DOCK1: variants seen among roughly 807,000 people sequenced by gnomAD.
DOCK1 encodes dedicator of cytokinesis 1.
In DOCK1, 138 loss-of-function variants were observed where a neutral mutation model predicts 262.7. The ratio of observed to expected loss-of-function variants is 0.53; its 90% CI spans 0.46 to 0.61. The LOEUF is 0.61. Ranked by LOEUF, DOCK1 falls within the 20% of genes least tolerant of loss-of-function variation. The pLI, the probability that DOCK1 is intolerant of heterozygous loss-of-function variation, is 0.00. For synonymous variants in DOCK1, 866 were observed against 867.4 expected (o/e 1.00, Z 0.03); for missense variants, 1,908 against 2,370.7 (o/e 0.80, Z 4.05).
intron 28 of DOCK1, among the ~76,000 whole-genome samples, chr10:127,253,024 G>A (rs947963509): frequency 1.3e-5 from 2 of 152,044 alleles, no homozygotes; most frequent in African/African-American, 2.4e-5. Flanking sequence ...GAGCACAAGC[G>A]GAATGACTGA....
intron 25 of DOCK1, among the ~76,000 whole-genome samples, chr10:127,117,636 A>G (rs1384319364): frequency 6.6e-6 from 1 of 151,058 alleles, no homozygotes; most frequent in Non-Finnish European, 1.5e-5. Flanking sequence ...GTTGGTGTAA[A>G]CTTTATCATC....
chr10:127,431,567 A>G (rs2069290579), intron 47 of DOCK1, among the ~76,000 whole-genome samples: 1 of 152,222 alleles, frequency 6.6e-6, no homozygotes, highest in African/African-American at 2.4e-5. Flanking sequence ...GAACATCTCC[A>G]TGAAGCTATC....
At chr10:127,272,172 A>G (rs2060593179) in intron 29 of DOCK1, 1 of 152,260 alleles carries the variant, frequency 6.6e-6, no homozygotes, top group African/African-American at 2.4e-5. Context: ...AAGTAAATTG[A>G]AGATACAAAT....
intron 5 of DOCK1, among the ~76,000 whole-genome samples, chr10:126,989,493 AT>A (rs2039647545): frequency 6.6e-6 from 1 of 151,834 alleles, no homozygotes; most frequent in Admixed American, 6.6e-5. Context: ...TGCTCAGCTA[AT>A]TTTTTTAATT....
intron 38 of DOCK1, among the ~76,000 whole-genome samples, chr10:127,399,551 AGGGTGAGTCTGAGAAGATATTTACTCAT>A (rs750187716): frequency 0.091 from 13,871 of 152,172 alleles, 691 homozygotes; most frequent in African/African-American, 0.13. Flanking sequence ...ATGCAACCTG[AGGGTGAGTCTGAGAAGATATTTACTCAT>A]GACTTGTATT....
chr10:127,155,506 A>G (rs1268777635), intron 27 of DOCK1, among the ~76,000 whole-genome samples: 1 of 152,158 alleles, frequency 6.6e-6, no homozygotes, highest in African/African-American at 2.4e-5. Context: ...GGAACCCCAC[A>G]GCAGGCCATT....
chr10:127,006,352 C>T (rs924865331), intron 10 of DOCK1, among the ~76,000 whole-genome samples: 14 of 152,360 alleles, frequency 9.2e-5, no homozygotes, highest in African/African-American at 3.4e-4. Flanking sequence ...CTCTGTCTTC[C>T]AGCATCACGC....
chr10:127,054,725 T>C (rs751544171), intron 22 of DOCK1, among the ~76,000 whole-genome samples: 70 of 152,182 alleles, frequency 4.6e-4, no homozygotes, highest in Non-Finnish European at 8.1e-4. Flanking sequence ...ACTTGAAAGA[T>C]GTTACAGATT....
intron 27 of DOCK1, among the ~76,000 whole-genome samples, chr10:127,218,495 A>G (rs2058303833): frequency 6.6e-6 from 1 of 152,092 alleles, no homozygotes; most frequent in African/African-American, 2.4e-5. Context: ...TCTGTTCAGT[A>G]TTTTCCCCAT....
intron 23 of DOCK1, among the ~76,000 whole-genome samples, chr10:127,096,074 T>C (rs1270947914): frequency 2.0e-5 from 3 of 152,172 alleles, no homozygotes; most frequent in Non-Finnish European, 4.4e-5. Context: ...AAAAGTATTT[T>C]TGGATTTAAA....
intron 1 of DOCK1, among the ~76,000 whole-genome samples, chr10:126,905,991 C>G (rs1319910145): frequency 2.6e-5 from 4 of 152,106 alleles, no homozygotes; most frequent in South Asian, 2.1e-4. Context: ...GATGAACTTG[C>G]GTCCCGCGTC....
At chr10:127,102,064 G>A (rs778512680) in intron 23 of DOCK1, among the ~76,000 whole-genome samples, 13 of 152,186 alleles carry the variant, frequency 8.5e-5, no homozygotes, top group Non-Finnish European at 1.8e-4. Context: ...GGTGGGCCTT[G>A]AAGGACAGGG....
chr10:126,997,854 A>G (rs1356303115), intron 7 of DOCK1: 3 of 502,718 alleles, frequency 6.0e-6, no homozygotes, highest in African/African-American at 5.7e-5. Context: ...TGGACACCTG[A>G]AAGTTTTGTA....
At chr10:127,066,603 G>T (rs750808096) in intron 23 of DOCK1, among the ~76,000 whole-genome samples, 46 of 152,148 alleles carry the variant, frequency 3.0e-4, no homozygotes, top group African/African-American at 9.4e-4. Flanking sequence ...GAACCAGTGC[G>T]TTCCCCAGGA....
chr10:127,090,498 T>C lies in DOCK1; in HGVS notation c.2446-15733T>C, dbSNP rs138779332. Among the ~76,000 whole-genome samples, 249 of 152,198 alleles carry C rather than the reference T, an allele frequency of 1.6e-3. 1 individual carries two copies. Among genetic ancestry groups the C allele is most frequent in the African/African-American group, 5.5e-3 (230 of 41,530 alleles). On this transcript the variant is annotated intron_variant, in intron 23 of 51. Transcript: ENST00000623213. ...TTCCTGTTAATAATTTATTTCTTAATTGCGGTAAAATACATATAACATAAA... is the reference window on the plus strand; with the variant it reads ...TTCCTGTTAATAATTTATTTCTTAACTGCGGTAAAATACATATAACATAAA...
At position 127,266,480 on chromosome 10, in the gene DOCK1, AACACACAC is replaced by A. The variant is rs68190118; in HGVS notation, c.3044+9071_3044+9078del. On this transcript the variant is annotated intron_variant, in intron 29 of 51. Transcript: ENST00000623213. ...CAAAACACAACTAGCTAAGTACCAA[AACACACAC>A]ACACACACACACACACACATATATA... Among the ~76,000 whole-genome samples the A allele has an allele frequency of 3.3e-4, 50 of 149,288 alleles. 1 individual carries two copies. The South Asian group carries it at 9.5e-3, about 28-fold the overall frequency.
intron 16 of DOCK1, among the ~76,000 whole-genome samples, chr10:127,030,681 A>G (rs1214296623): frequency 6.6e-6 from 1 of 152,202 alleles, no homozygotes; most frequent in Non-Finnish European, 1.5e-5. Context: ...GCTCTATTTC[A>G]TGTACTAGGA....
At chr10:127,344,998 G>A in intron 31 of DOCK1, among the ~76,000 whole-genome samples, 1 of 152,166 alleles carries the variant, frequency 6.6e-6, no homozygotes, top group East Asian at 1.9e-4. Flanking sequence ...ACATTTGCCT[G>A]TGGTATTTAT....
chr10:127,337,205 G>C (rs1380957014), intron 29 of DOCK1, among the ~76,000 whole-genome samples: 1 of 152,112 alleles, frequency 6.6e-6, no homozygotes, highest in Non-Finnish European at 1.5e-5. Context: ...ACACTTGGGG[G>C]CTTTTCTGTG....
Sources: gnomAD v4.1 joint callset for allele counts (sites outside exome capture counted in the v4.1 genomes callset) on GRCh38, gnomAD v4.1.1 for gene constraint, MANE v1.5 for transcripts, NCBI Gene and HGNC (gene_info 2026-07-23, HGNC 2026-07-21) for gene names.